NSG1: variants seen among roughly 807,000 people sequenced by gnomAD.
The protein encoded by NSG1 is neuronal vesicle trafficking-associated protein 1.
NSG1 carries 9 observed loss-of-function variants against 19.3 expected under a neutral mutation model. The ratio of observed to expected loss-of-function variants is 0.47; its 90% CI spans 0.28 to 0.81. NSG1 has a LOEUF of 0.81. NSG1 is among the 40% of genes least tolerant of loss of function. The pLI, the probability that NSG1 is intolerant of heterozygous loss-of-function variation, is 0.11. For missense variants in NSG1, 236 were observed against 242.4 expected (o/e 0.97, Z 0.18); for synonymous variants, 104 against 107.0 (o/e 0.97, Z 0.17).
Position 4,417,731 on chromosome 4 carries a change from T to C in NSG1, c.*296T>C. 1 of 420,538 alleles carries C rather than the reference T, an allele frequency of 2.4e-6. No homozygotes were observed. Among genetic ancestry groups the C allele is most frequent in the Non-Finnish European group, 4.4e-6 (1 of 227,878 alleles). 26.1% of individuals were successfully genotyped at this position (420,538 alleles called of 1,614,324 possible). ...TGTAAAAAAATAAATTTACACTGGA[T>C]ATGCGAAGGGTTTGGATCTCAGATA... On this transcript the variant is annotated 3_prime_UTR_variant, in exon 5 of 5. Coordinates refer to ENST00000621129, the MANE Select transcript of NSG1 (RefSeq NM_014392.5).
Position 4,387,596 on chromosome 4 carries a change from C to T in NSG1, c.-26-8C>T, listed in dbSNP as rs767366145. On this transcript the variant is annotated splice_region_variant and splice_polypyrimidine_tract_variant and intron_variant, in intron 1 of 4. Coordinates refer to ENST00000621129, the MANE Select transcript of NSG1 (RefSeq NM_014392.5). ...TTGTGGTGACTCCCCCCGGCCCTCC[C>T]GCCGCAGGCTGCAGCCTCGGAGCTC... 1 of 1,598,234 alleles carries T rather than the reference C, an allele frequency of 6.3e-7. No individual in the cohort carries two copies. The highest frequency in any genetic ancestry group is 1.7e-5 in the Admixed American group (1 of 58,916).
chr4:4,395,335 T>C (rs1353513700), intron 3 of NSG1, among the ~76,000 whole-genome samples: 1 of 152,022 alleles, frequency 6.6e-6, no homozygotes. Context: ...GTGTCCTGAG[T>C]TTTCGAGCCT....
Position 4,409,698 on chromosome 4 carries a change from T to A in NSG1, c.357+15T>A, listed in dbSNP as rs765036588. On this transcript the variant is annotated intron_variant, in intron 4 of 4. Coordinates refer to ENST00000621129, the MANE Select transcript of NSG1 (RefSeq NM_014392.5). ...TCGTCCTCAAGGTAAAACTCCGTTT[T>A]CCCCCAGAGGCCCTGGGACGCCTTT... The A allele has an allele frequency of 1.9e-6, 3 of 1,600,348 alleles. No individual in the cohort carries two copies. The highest frequency in any genetic ancestry group is 3.3e-5 in the Admixed American group (2 of 59,992).
chr4:4,415,722 G>A (rs1051523763), intron 4 of NSG1: 13 of 157,752 alleles, frequency 8.2e-5, no homozygotes, highest in African/African-American at 1.3e-4. Context: ...GAGCGGGGCC[G>A]CCACTCCACA....
chr4:4,417,018 C>G (rs1375667219), intron 4 of NSG1, among the ~76,000 whole-genome samples: 2 of 152,202 alleles, frequency 1.3e-5, no homozygotes, highest in Non-Finnish European at 2.9e-5. Context: ...GCCCATCTGC[C>G]ATGGCACTCA....
At chr4:4,393,869 G>A (rs1449049542) in intron 3 of NSG1, among the ~76,000 whole-genome samples, 1 of 152,102 alleles carries the variant, frequency 6.6e-6, no homozygotes, top group Non-Finnish European at 1.5e-5. Flanking sequence ...TCTCCTCCCA[G>A]GGCAGGTGCA....
chr4:4,410,451 T>G (rs1314293870), intron 4 of NSG1, among the ~76,000 whole-genome samples: 2 of 152,168 alleles, frequency 1.3e-5, no homozygotes, highest in Non-Finnish European at 2.9e-5. Context: ...CAGAGTGTCC[T>G]GTACACCCAC....
chr4:4,387,380 G>A (rs549465274), intron 1 of NSG1, among the ~76,000 whole-genome samples: 1 of 152,152 alleles, frequency 6.6e-6, no homozygotes, highest in Non-Finnish European at 1.5e-5. Context: ...GTGCGCCCTT[G>A]CGCCCGGCGC....
chr4:4,414,424 T>C (rs1244287177), intron 4 of NSG1, among the ~76,000 whole-genome samples: 1 of 150,748 alleles, frequency 6.6e-6, no homozygotes, highest in Non-Finnish European at 1.5e-5. Flanking sequence ...TAGCATCTAA[T>C]GAGGGGGTGT....
intron 4 of NSG1, chr4:4,415,968 G>A: frequency 1.1e-5 from 7 of 632,480 alleles, no homozygotes; most frequent in East Asian, 5.5e-5. Context: ...GGTGCTTCCC[G>A]ACGTCCTGGT....
intron 3 of NSG1, among the ~76,000 whole-genome samples, chr4:4,406,089 G>A (rs571057083): frequency 2.0e-3 from 309 of 152,218 alleles, no homozygotes; most frequent in Non-Finnish European, 3.2e-3. Flanking sequence ...GTGCAGTGGC[G>A]CGATCTTGGC....
At chr4:4,390,118 A>T (rs1049800101) in intron 2 of NSG1, among the ~76,000 whole-genome samples, 1 of 152,148 alleles carries the variant, frequency 6.6e-6, no homozygotes, top group Admixed American at 6.5e-5. Flanking sequence ...TTTCCCATTC[A>T]TTGGCCAGTC....
At chr4:4,409,776 G>C in intron 4 of NSG1, 93 bp downstream of exon 4, 1 of 1,017,248 alleles carries the variant, frequency 9.8e-7, no homozygotes, top group Non-Finnish European at 1.5e-6. Context: ...GTCTCCCCCA[G>C]CTGGCCCACG....
rs1268502509 is a variant in NSG1, at chr4:4,387,622, C to A, written c.-8C>A. ...GCCGCAGGCTGCAGCCTCGGAGCTC[C>A]CGGAACGATGGTGAAGTTGGGGAAC... On this transcript the variant is annotated 5_prime_UTR_variant, in exon 2 of 5. Coordinates refer to ENST00000621129, the MANE Select transcript of NSG1 (RefSeq NM_014392.5). 6.2e-7 allele frequency: 1 copy of A among 1,611,364 alleles called. No homozygotes were observed. Among genetic ancestry groups the A allele is most frequent in the African/African-American group, 1.3e-5 (1 of 74,724 alleles).
At position 4,417,316 on chromosome 4, in the gene NSG1, A is replaced by G. The variant is rs370574850; in HGVS notation, c.439A>G (p.Ile147Val). Residue 147 changes from isoleucine to valine, a missense_variant, in exon 5 of 5, where the codon ATA becomes GTA. By Grantham distance (29) the Ile-to-Val change is conservative. Transcript: ENST00000621129. ...SSAREKFYTV[I>V]NHYNLAKQSI... is the part of the protein sequence containing the mutation. ...TGCCCGGGAGAAATTTTACACAGTC[A>G]TAAACCACTACAACCTGGCCAAGCA... The G allele has an allele frequency of 1.9e-6, 3 of 1,614,196 alleles. No individual in the cohort carries two copies. Among genetic ancestry groups the G allele is most frequent in the Non-Finnish European group, 8.5e-7 (1 of 1,180,044 alleles).
chr4:4,391,868 A>G (rs1371453936), intron 3 of NSG1, among the ~76,000 whole-genome samples: 3 of 152,252 alleles, frequency 2.0e-5, no homozygotes, highest in Non-Finnish European at 4.4e-5. Flanking sequence ...CAAAGATTAT[A>G]AACATATGAA....
At chr4:4,394,419 G>T (rs1723145160) in intron 3 of NSG1, among the ~76,000 whole-genome samples, 1 of 152,044 alleles carries the variant, frequency 6.6e-6, no homozygotes, top group South Asian at 2.1e-4. Context: ...TGGTTTCCAC[G>T]CTCCCTTCCC....
intron 3 of NSG1, among the ~76,000 whole-genome samples, chr4:4,405,675 G>A (rs1169252914): frequency 6.6e-6 from 1 of 152,204 alleles, no homozygotes; most frequent in Non-Finnish European, 1.5e-5. Context: ...GTCTGCACAG[G>A]GCAGGGGGAA....
intron 3 of NSG1, among the ~76,000 whole-genome samples, chr4:4,396,626 T>A (rs563271690): frequency 6.6e-6 from 1 of 152,166 alleles, no homozygotes; most frequent in African/African-American, 2.4e-5. Flanking sequence ...CGCAGAGGAC[T>A]CTGTGGGTGG....
Sources: allele counts gnomAD v4.1 joint callset (sites outside exome capture counted in the v4.1 genomes callset), GRCh38; gene constraint gnomAD v4.1.1; transcripts MANE v1.5; gene names NCBI Gene and HGNC (gene_info 2026-07-23, HGNC 2026-07-21).